PPDPFL: variants seen among roughly 807,000 people sequenced by gnomAD.
PPDPFL encodes pancreatic progenitor cell differentiation and proliferation factor-like protein.
A neutral mutation model predicts 12.6 loss-of-function variants in PPDPFL; 12 were observed. That is an observed-to-expected ratio of 0.95 (90% confidence interval 0.61 to 1.54). The LOEUF is 1.54. Ranked by LOEUF, PPDPFL falls within the 40% of genes most tolerant of loss-of-function variation. The pLI is 0.00. For missense variants in PPDPFL, 114 were observed against 96.0 expected, an observed-to-expected ratio of 1.19 and a Z score of -0.78; for synonymous variants, 24 against 32.7, an observed-to-expected ratio of 0.73 and a Z score of 0.91.
At chr8:49,065,242 C>T (rs1808276583) in intron 1 of PPDPFL, among the ~76,000 whole-genome samples, 2 of 152,286 alleles carry the variant, frequency 1.3e-5, no homozygotes, top group Admixed American at 1.3e-4. Flanking sequence ...ACTCACCTCC[C>T]CCCAGTGTAT....
At chr8:49,069,348 T>C (rs985569682), upstream of PPDPFL, among the ~76,000 whole-genome samples, 1 of 152,126 alleles carries the variant, frequency 6.6e-6, no homozygotes, top group East Asian at 1.9e-4. Flanking sequence ...ATACAGTAAA[T>C]AAATAATGTT....
At chr8:49,057,998 A>G (rs1808138504) in intron 1 of PPDPFL, among the ~76,000 whole-genome samples, 1 of 152,196 alleles carries the variant, frequency 6.6e-6, no homozygotes, top group African/African-American at 2.4e-5. Context: ...AAATAAAGGC[A>G]TAGGGGAGAC....
upstream of PPDPFL, among the ~76,000 whole-genome samples, chr8:49,072,088 G>C (rs1329841815): frequency 6.6e-6 from 1 of 152,248 alleles, no homozygotes; most frequent in Non-Finnish European, 1.5e-5. Flanking sequence ...CCTCTCTGTA[G>C]TCACCAGCGG....
chr8:49,057,272 GT>G (rs1808125597), intron 1 of PPDPFL, among the ~76,000 whole-genome samples: 2 of 152,174 alleles, frequency 1.3e-5, no homozygotes, highest in African/African-American at 4.8e-5. Flanking sequence ...ATTTTTATTA[GT>G]CTGAATGAAG....
chr8:49,075,043 T>C (rs966089713), intron 4 of PPDPFL, 109 bp from the exon 5 acceptor site: 3 of 1,489,116 alleles, frequency 2.0e-6, no homozygotes, highest in Middle Eastern at 1.7e-4. Flanking sequence ...GATTGATTGT[T>C]GGAAAGATGT....
chr8:49,067,984 A>G (rs932474652), upstream of PPDPFL, among the ~76,000 whole-genome samples: 1 of 152,206 alleles, frequency 6.6e-6, no homozygotes, highest in Non-Finnish European at 1.5e-5. Flanking sequence ...TTAAAAAAAA[A>G]CTTGAATCAG....
chr8:49,075,570 C>A lies in PPDPFL; in HGVS notation c.*397C>A. 2.9e-6 allele frequency: 1 copy of A among 339,404 alleles called. No individual in the cohort carries two copies. Among genetic ancestry groups the A allele is most frequent in the African/African-American group, 2.1e-5 (1 of 47,820 alleles). 21.0% of individuals were successfully genotyped at this position (339,404 alleles called of 1,614,324 possible). On this transcript the variant is annotated 3_prime_UTR_variant, in exon 5 of 5. Transcript: ENST00000522267. ...AAAGTAGCTCTTTCATTTTTTATAT[C>A]ATTTTTATTAAAAAAACTTAAGTTA...
chr8:49,071,219 A>C (rs2129245656), upstream of PPDPFL, among the ~76,000 whole-genome samples: 1 of 152,302 alleles, frequency 6.6e-6, no homozygotes, highest in East Asian at 1.9e-4. Context: ...GACATGAATA[A>C]TTTTTTAGCA....
At chr8:49,071,972 C>T (rs1324122501), upstream of PPDPFL, among the ~76,000 whole-genome samples, 2 of 152,192 alleles carry the variant, frequency 1.3e-5, no homozygotes, top group African/African-American at 4.8e-5. Context: ...TCAGTCTCCC[C>T]AGCCAGATAG....
intron 4 of PPDPFL, chr8:49,074,542 A>C: frequency 6.5e-7 from 1 of 1,536,856 alleles, no homozygotes; most frequent in Non-Finnish European, 8.7e-7. Flanking sequence ...CACCCTTTCC[A>C]GTTCAATCAC....
intron 1 of PPDPFL, among the ~76,000 whole-genome samples, chr8:49,066,101 T>G (rs1167253594): frequency 6.6e-6 from 1 of 152,228 alleles, no homozygotes. Flanking sequence ...ATCTTGAAGA[T>G]AAACAACGCA....
upstream of PPDPFL, among the ~76,000 whole-genome samples, chr8:49,071,192 C>G (rs909931718): frequency 2.0e-5 from 3 of 152,146 alleles, no homozygotes; most frequent in Admixed American, 1.3e-4. Flanking sequence ...GTTTTGAATA[C>G]ATTTGAAAAC....
chr8:49,067,505 C>A (rs969576293), upstream of PPDPFL, among the ~76,000 whole-genome samples: 2 of 152,234 alleles, frequency 1.3e-5, no homozygotes, highest in Non-Finnish European at 2.9e-5. Flanking sequence ...TTGATCCTCT[C>A]ATACTGCACA....
chr8:49,073,120 C>T (rs1444305024), intron 2 of PPDPFL, among the ~76,000 whole-genome samples: 9 of 152,190 alleles, frequency 5.9e-5, no homozygotes, highest in East Asian at 1.9e-4. Flanking sequence ...CAGTGAACAT[C>T]GGCTTATGTT....
In PPDPFL at chr8:49,060,549, G is replaced by A. The variant is rs189669425; in HGVS notation, c.-45+6180G>A. On this transcript the variant is annotated intron_variant, in intron 1 of 4. Transcript: ENST00000517663. ...GCTGGTCTCGAACTCCTGACCTCAGGTGATCTGCCCACCTCGGCCTCCCAA... is the reference window on the plus strand; with the variant it reads ...GCTGGTCTCGAACTCCTGACCTCAGATGATCTGCCCACCTCGGCCTCCCAA... Among the ~76,000 whole-genome samples the A allele has an allele frequency of 4.6e-4, 70 of 152,218 alleles. 1 individual carries two copies. In the East Asian group the frequency reaches 0.013, roughly 28 times the overall value.
At chr8:49,068,827 G>T (rs1808338046), upstream of PPDPFL, among the ~76,000 whole-genome samples, 1 of 152,070 alleles carries the variant, frequency 6.6e-6, no homozygotes, top group South Asian at 2.1e-4. Flanking sequence ...CATACATGTG[G>T]CTGAGACATA....
Position 49,075,160 on chromosome 8 carries a change from T to G in PPDPFL, c.242T>G (p.Met81Arg), listed in dbSNP as rs180910379. 5,259 of 1,613,620 alleles carry G rather than the reference T, an allele frequency of 3.3e-3. 21 individuals are homozygous for G. Among genetic ancestry groups the G allele is most frequent in the Non-Finnish European group, 4.0e-3 (4,710 of 1,179,604 alleles). The change falls in exon 5 of 5, where the codon ATG (methionine) becomes AGG (arginine). Residue 81 changes from methionine (M) to arginine (R), a missense_variant. Met to Arg is a moderately conservative substitution (Grantham distance 91, BLOSUM62 -1). Transcript: ENST00000522267. ...IKDLSATGLQ[M>R]STL ...CTATAAAATCAACCCAGATTACAGA[T>G]GAGCACTTTGTAGCTGATCATCTTT... is the stretch of plus-strand genomic sequence containing the variant.
In PPDPFL at chr8:49,075,345, A is replaced by G; in HGVS notation, c.*172A>G. 3 of 1,342,610 alleles carry G rather than the reference A, an allele frequency of 2.2e-6. No homozygotes were observed. The highest frequency in any genetic ancestry group is 3.2e-6 in the Non-Finnish European group (3 of 933,786). 83.2% of individuals were successfully genotyped at this position (1,342,610 alleles called of 1,614,324 possible). A position where few individuals can be genotyped will look rare whatever the true frequency, so the allele number is the denominator to read the frequency against. ...TTCCAGGACTCTTCTCCATTGTAAG[A>G]AGACAGAAATGTGTCTGAGATCTCA... is the stretch of plus-strand genomic sequence containing the variant. On this transcript the variant is annotated 3_prime_UTR_variant, in exon 5 of 5. Transcript: ENST00000522267.
At chr8:49,054,435 G>T (rs1283525022) in intron 1 of PPDPFL, 1 of 151,888 alleles carries the variant, frequency 6.6e-6, no homozygotes, top group African/African-American at 2.4e-5. Context: ...TTACTTTATT[G>T]TAAGAATACA....
Sources: allele counts gnomAD v4.1 joint callset (sites outside exome capture counted in the v4.1 genomes callset), GRCh38; gene constraint gnomAD v4.1.1; transcripts MANE v1.5; gene names NCBI Gene and HGNC (gene_info 2026-07-23, HGNC 2026-07-21).